RAD17: variants seen among roughly 807,000 people sequenced by gnomAD.
RAD17 encodes cell cycle checkpoint protein RAD17.
Under a neutral mutation model 81.5 loss-of-function variants are expected in RAD17, and 31 were observed. The observed-to-expected ratio is 0.38, with a 90% CI of 0.29 to 0.51. RAD17 has a LOEUF of 0.51. Ranked by LOEUF, RAD17 falls within the 20% of genes least tolerant of loss-of-function variation. The pLI is 0.88. For synonymous variants in RAD17, 261 were observed against 266.2 expected, an observed-to-expected ratio of 0.98 and a Z score of 0.19; for missense variants, 681 against 781.2, an observed-to-expected ratio of 0.87 and a Z score of 1.53.
chr5:69,374,586 C>T lies in RAD17; in HGVS notation c.268-42C>T, dbSNP rs184517767. 1.3e-4 allele frequency: 191 copies of T among 1,474,626 alleles called. No individual in the cohort carries two copies. The African/African-American group carries it at 2.3e-3, about 18-fold the overall frequency. 91.3% of individuals were successfully genotyped at this position (1,474,626 alleles called of 1,614,324 possible). On this transcript the variant is annotated intron_variant, in intron 5 of 18. Coordinates refer to ENST00000354868, the MANE Select transcript of RAD17 (RefSeq NM_133338.3). ...ATGTGCTGATGTACCAAAAAATCTT[C>T]AGTTAAGAAGTTTTGTTTTAAATTT...
intron 4 of RAD17, among the ~76,000 whole-genome samples, chr5:69,373,082 G>A (rs765587960): frequency 2.7e-4 from 41 of 152,178 alleles, no homozygotes; most frequent in Non-Finnish European, 5.7e-4. Flanking sequence ...GGATTATTTG[G>A]ATGTATGAAA....
chr5:69,399,994 T>G, intron 16 of RAD17, 55 bp from the exon 17 acceptor site: 1 of 1,194,004 alleles, frequency 8.4e-7, no homozygotes, highest in Non-Finnish European at 1.1e-6. Flanking sequence ...TGTCTAGGAA[T>G]ACATATTTTT....
At chr5:69,406,802 G>T in intron 17 of RAD17, among the ~76,000 whole-genome samples, 1 of 151,512 alleles carries the variant, frequency 6.6e-6, no homozygotes, top group Non-Finnish European at 1.5e-5. Context: ...CTACCACACC[G>T]AACCAATATA....
At chr5:69,377,519 A>ATATATG (rs1763471234) in intron 6 of RAD17, among the ~76,000 whole-genome samples, 11 of 74,120 alleles carry the variant, frequency 1.5e-4, no homozygotes, top group Non-Finnish European at 2.2e-4. Context: ...ATATATACGT[A>ATATATG]TATATATGTG....
chr5:69,372,038 T>C lies in RAD17; in HGVS notation c.-171T>C, dbSNP rs1160633197. The C allele has an allele frequency of 1.5e-6, 2 of 1,312,216 alleles. No individual in the cohort carries two copies. Among genetic ancestry groups the C allele is most frequent in the South Asian group, 1.8e-5 (1 of 54,564 alleles). 81.3% of individuals were successfully genotyped at this position (1,312,216 alleles called of 1,614,324 possible). A position where few individuals can be genotyped will look rare whatever the true frequency, so the allele number is the denominator to read the frequency against. On this transcript the variant is annotated 5_prime_UTR_variant, in exon 4 of 19. The change abolishes an upstream ATG in the 5' untranslated region. Coordinates refer to ENST00000354868, the MANE Select transcript of RAD17 (RefSeq NM_133338.3). ...TTATCTTTCTCTTTTTTTCAGTATA[T>C]GGGAGTCCACATTTATGTAAGAAAT...
Position 69,410,525 on chromosome 5 carries a change from C to T in RAD17, c.1726C>T (p.Leu576Phe). 6.2e-7 allele frequency: 1 copy of T among 1,613,344 alleles called. No individual in the cohort carries two copies. The highest frequency in any genetic ancestry group is 8.5e-7 in the Non-Finnish European group (1 of 1,179,568). Reference protein sequence around the residue: ...QISFIQDIGRLPLKRHFGRLK... With the variant: ...QISFIQDIGRFPLKRHFGRLK... ...TTCTTTTATCCAAGATATTGGAAGG[C>T]TCCCTCTGAAGCGACACTTTGGAAG... The change falls in exon 18 of 19, where the codon CTC (leucine) becomes TTC (phenylalanine). Residue 576 changes from leucine to phenylalanine, a missense_variant. Transcript: ENST00000354868.
At chr5:69,372,292 T>A in intron 4 of RAD17, 75 bp downstream of exon 4, 1 of 1,313,882 alleles carries the variant, frequency 7.6e-7, no homozygotes, top group Non-Finnish European at 1.1e-6. Context: ...AACTCTGTCT[T>A]AAAAGAAGAG....
chr5:69,379,970 T>C (rs1282928730), intron 6 of RAD17, among the ~76,000 whole-genome samples: 1 of 151,802 alleles, frequency 6.6e-6, no homozygotes, highest in Non-Finnish European at 1.5e-5. Context: ...AACCTCTGCC[T>C]CCCGGGTTCA....
chr5:69,393,358 T>C lies in RAD17; in HGVS notation c.1280T>C (p.Val427Ala). ...TATATATGCTTCTTTTTATAGGAGG[T>C]AGTAGAAATGTCACACATGCCTGGA... ...RDTLLVEPEE[V>A]VEMSHMPGDL... The change falls in exon 15 of 19, where the codon GTA (valine) becomes GCA (alanine). Residue 427 changes from valine (V) to alanine (A), a missense_variant. Physicochemically the swap from Val to Ala is moderately conservative, Grantham distance 64. Coordinates refer to ENST00000354868, the MANE Select transcript of RAD17 (RefSeq NM_133338.3). 1 of 1,590,488 alleles carries C rather than the reference T, an allele frequency of 6.3e-7. No individual in the cohort carries two copies. The highest frequency in any genetic ancestry group is 8.6e-7 in the Non-Finnish European group (1 of 1,167,612).
At chr5:69,402,912 C>T (rs1228453822) in intron 17 of RAD17, among the ~76,000 whole-genome samples, 2 of 144,596 alleles carry the variant, frequency 1.4e-5, no homozygotes, top group East Asian at 2.0e-4. Context: ...TGCATAACCA[C>T]AGTGTGCAAT....
intron 18 of RAD17, among the ~76,000 whole-genome samples, chr5:69,410,965 C>CTACATATA (rs1554044688): frequency 1.1e-5 from 1 of 90,264 alleles, no homozygotes; most frequent in East Asian, 3.5e-4. Context: ...AGATGTCTGT[C>CTACATATA]TATATATATA....
At chr5:69,409,372 T>G (rs1456691250) in intron 17 of RAD17, among the ~76,000 whole-genome samples, 1 of 151,580 alleles carries the variant, frequency 6.6e-6, no homozygotes, top group Non-Finnish European at 1.5e-5. Context: ...TAGGAAGGAG[T>G]CCTTTGTTCT....
intron 16 of RAD17, among the ~76,000 whole-genome samples, chr5:69,398,834 A>G (rs1319065496): frequency 7.9e-5 from 11 of 138,568 alleles, no homozygotes; most frequent in Admixed American, 7.8e-4. Flanking sequence ...TTAGATATGA[A>G]TTTCTAGCTT....
At chr5:69,376,876 C>T (rs1291678089) in intron 6 of RAD17, among the ~76,000 whole-genome samples, 2 of 152,094 alleles carry the variant, frequency 1.3e-5, no homozygotes, top group Admixed American at 1.3e-4. Flanking sequence ...ACCTCAGCCT[C>T]CCGAGTAGCT....
rs1186646653 is a variant in RAD17, at chr5:69,377,537, A to G, written c.351+2826A>G. ...TATACGTATATATATGTGTATATATACGTATATATATGCATATATATGTAT... is the reference window on the plus strand; with the variant it reads ...TATACGTATATATATGTGTATATATGCGTATATATATGCATATATATGTAT... On this transcript the variant is annotated intron_variant, in intron 6 of 18. Transcript: ENST00000354868. 6.7e-5 allele frequency among the ~76,000 whole-genome samples: 4 copies of G among 59,384 alleles called. 1 individual carries two copies. Among genetic ancestry groups the G allele is most frequent in the Admixed American group, 4.1e-4 (2 of 4,932 alleles). 39.0% of individuals were successfully genotyped at this position (59,384 alleles called of 152,430 possible).
intron 6 of RAD17, among the ~76,000 whole-genome samples, chr5:69,381,217 A>G (rs1245434859): frequency 6.6e-6 from 1 of 152,156 alleles, no homozygotes; most frequent in African/African-American, 2.4e-5. Flanking sequence ...GCGGTGGCTC[A>G]CATCTGTAAT....
At chr5:69,402,146 C>T (rs1224178272) in intron 17 of RAD17, among the ~76,000 whole-genome samples, 1 of 149,224 alleles carries the variant, frequency 6.7e-6, no homozygotes, top group Non-Finnish European at 1.5e-5. Flanking sequence ...CTCCCAGGTT[C>T]AAGCGATTCT....
At chr5:69,392,905 T>C (rs1764635556) in intron 13 of RAD17, 1 of 477,792 alleles carries the variant, frequency 2.1e-6, no homozygotes, top group Non-Finnish European at 3.8e-6. Flanking sequence ...GAAATGGGAG[T>C]GCATTAGGAA....
Position 69,393,180 on chromosome 5 carries a change from A to C in RAD17, c.1215A>C (p.Ser405=). 6.2e-7 allele frequency: 1 copy of C among 1,610,770 alleles called. No homozygotes were observed. Among genetic ancestry groups the C allele is most frequent in the African/African-American group, 1.3e-5 (1 of 74,938 alleles). The part of the protein sequence containing the change: ...CKRASLTELD[S]PRLPSHLSEY... ...GAGCATCTTTAACAGAATTAGACTC[A>C]CCTCGGTTGCCCTCTCATTTATCAG... Residue 405 remains serine, a synonymous_variant, in exon 14 of 19, where the codon TCA becomes TCC. Transcript: ENST00000354868.
Sources: allele counts gnomAD v4.1 joint callset (sites outside exome capture counted in the v4.1 genomes callset), GRCh38; gene constraint gnomAD v4.1.1; transcripts MANE v1.5; gene names NCBI Gene and HGNC (gene_info 2026-07-23, HGNC 2026-07-21).